The following DIAPH3 variants were observed in gnomAD, a reference collection of about 807,000 sequenced individuals.
DIAPH3 encodes the protein diaphanous related formin 3, also known as protein diaphanous homolog 3.
A neutral mutation model predicts 144.3 loss-of-function variants in DIAPH3; 117 were observed. The observed-to-expected ratio is 0.81, with a 90% CI of 0.70 to 0.95. The LOEUF is 0.95. Among genes scored for constraint, DIAPH3 ranks in the 40% least tolerant of loss-of-function variants. DIAPH3 has a pLI of 0.00. For missense variants in DIAPH3, 1,421 were observed against 1,412.7 expected, an observed-to-expected ratio of 1.01 and a Z score of -0.09; for synonymous variants, 519 against 488.9, an observed-to-expected ratio of 1.06 and a Z score of -0.81.
chr13:59,877,645 T>C (rs1361352544), intron 21 of DIAPH3, among the ~76,000 whole-genome samples: 4 of 152,160 alleles, frequency 2.6e-5, no homozygotes, highest in Non-Finnish European at 5.9e-5. Context: ...GATAGACATA[T>C]CTTGCTACGA....
At chr13:60,033,531 T>C (rs1017306277) in intron 5 of DIAPH3, among the ~76,000 whole-genome samples, 13 of 152,122 alleles carry the variant, frequency 8.5e-5, no homozygotes, top group African/African-American at 2.9e-4. Context: ...AACAGGCACA[T>C]CACATGGTGA....
rs150664724 is a variant in DIAPH3 at position 59,938,183 on chromosome 13, A to C, written c.2075-13313T>G. ...TTGCCTGATCTGTGTTCTAGAATAAACTATTCTGTGCTAGTTTCTGTCCCC... is the reference window on the plus strand; with the variant it reads ...TTGCCTGATCTGTGTTCTAGAATAACCTATTCTGTGCTAGTTTCTGTCCCC... On this transcript the variant is annotated intron_variant, in intron 17 of 27. Transcript: ENST00000400324. Among the ~76,000 whole-genome samples, 3 of 152,262 alleles carry C rather than the reference A, an allele frequency of 2.0e-5. No individual in the cohort carries two copies. In the East Asian group the frequency reaches 5.8e-4, roughly 29 times the overall value.
intron 21 of DIAPH3, among the ~76,000 whole-genome samples, chr13:59,877,641 CAT>C (rs1158668471): frequency 6.6e-6 from 1 of 152,128 alleles, no homozygotes; most frequent in East Asian, 1.9e-4. Context: ...TGCTGATAGA[CAT>C]ATCTTGCTAC....
At chr13:60,076,097 C>T (rs935088358) in intron 4 of DIAPH3, among the ~76,000 whole-genome samples, 3 of 152,208 alleles carry the variant, frequency 2.0e-5, no homozygotes, top group Non-Finnish European at 4.4e-5. Context: ...CAGCTTGTTC[C>T]AACCATAAGT....
chr13:60,066,897 A>G (rs1307085717), intron 4 of DIAPH3, among the ~76,000 whole-genome samples: 1 of 152,246 alleles, frequency 6.6e-6, no homozygotes, highest in Non-Finnish European at 1.5e-5. Flanking sequence ...AAAATGTATC[A>G]AAGTGACACT....
At chr13:60,063,196 G>A (rs1336883149) in intron 4 of DIAPH3, among the ~76,000 whole-genome samples, 2 of 152,170 alleles carry the variant, frequency 1.3e-5, no homozygotes, top group African/African-American at 4.8e-5. Flanking sequence ...ACCAGAAGTA[G>A]TTTCCGTTTC....
intron 4 of DIAPH3, among the ~76,000 whole-genome samples, chr13:60,087,332 C>T (rs1053241453): frequency 1.3e-5 from 2 of 152,132 alleles, no homozygotes; most frequent in African/African-American, 4.8e-5. Flanking sequence ...ACAATGTCTT[C>T]CATCCTTGAG....
At chr13:59,854,536 C>T (rs1420051781) in intron 22 of DIAPH3, among the ~76,000 whole-genome samples, 1 of 152,132 alleles carries the variant, frequency 6.6e-6, no homozygotes, top group African/African-American at 2.4e-5. Flanking sequence ...AATGTGTTTG[C>T]TCTATCTACT....
At chr13:59,713,657 GC>G (rs1249921806) in intron 27 of DIAPH3, among the ~76,000 whole-genome samples, 1 of 151,022 alleles carries the variant, frequency 6.6e-6, no homozygotes, top group African/African-American at 2.4e-5. Context: ...TAGGTAAGAA[GC>G]TTTTTTGATG....
At chr13:60,137,438 A>G (rs2059313542) in intron 1 of DIAPH3, among the ~76,000 whole-genome samples, 3 of 152,230 alleles carry the variant, frequency 2.0e-5, no homozygotes, top group South Asian at 2.1e-4. Flanking sequence ...ACAAGTAACA[A>G]AGACAGATAA....
intron 21 of DIAPH3, among the ~76,000 whole-genome samples, chr13:59,878,020 A>C (rs1289671045): frequency 6.6e-6 from 1 of 152,126 alleles, no homozygotes; most frequent in Non-Finnish European, 1.5e-5. Context: ...ATGTGGCTTC[A>C]TTAAAGCATT....
At chr13:59,835,735 A>G (rs1338461084) in intron 23 of DIAPH3, among the ~76,000 whole-genome samples, 1 of 151,752 alleles carries the variant, frequency 6.6e-6, no homozygotes, top group Non-Finnish European at 1.5e-5. Flanking sequence ...CACTCTTACA[A>G]CTGGGCCGTG....
At chr13:60,075,423 G>C (rs2057348344) in intron 4 of DIAPH3, among the ~76,000 whole-genome samples, 1 of 152,032 alleles carries the variant, frequency 6.6e-6, no homozygotes, top group South Asian at 2.1e-4. Context: ...GTTTTTAGTT[G>C]TATTAGCAAA....
At chr13:59,872,123 G>A (rs1251626979) in intron 21 of DIAPH3, among the ~76,000 whole-genome samples, 1 of 151,992 alleles carries the variant, frequency 6.6e-6, no homozygotes, top group Admixed American at 6.6e-5. Flanking sequence ...CTACTCCAGA[G>A]TCCATTTGCT....
At chr13:59,786,435 C>A (rs1454442242) in intron 25 of DIAPH3, among the ~76,000 whole-genome samples, 1 of 152,014 alleles carries the variant, frequency 6.6e-6, no homozygotes, top group Non-Finnish European at 1.5e-5. Context: ...TATACTATAA[C>A]AAATTGTATC....
At chr13:60,142,980 T>C (rs1233489085) in intron 1 of DIAPH3, among the ~76,000 whole-genome samples, 1 of 151,918 alleles carries the variant, frequency 6.6e-6, no homozygotes, top group African/African-American at 2.4e-5. Context: ...CTTAAACTCC[T>C]AGCCTCAAGT....
intron 25 of DIAPH3, among the ~76,000 whole-genome samples, chr13:59,782,434 T>A (rs1195718412): frequency 6.6e-6 from 1 of 152,082 alleles, no homozygotes; most frequent in Non-Finnish European, 1.5e-5. Context: ...ATCTAAGAAT[T>A]AAAAGTGATT....
chr13:59,810,251 C>T lies in DIAPH3; in HGVS notation c.3163+537G>A, dbSNP rs533834269. On this transcript the variant is annotated intron_variant, in intron 25 of 27. Coordinates refer to ENST00000400324, the MANE Select transcript of DIAPH3 (RefSeq NM_001042517.2). ...CAAGGCATACTGCAGCCTCAACCTT[C>T]CAGGCTCAGGCGATCCTCCCACCTC... Among the ~76,000 whole-genome samples the T allele has an allele frequency of 7.2e-5, 11 of 152,252 alleles. No homozygotes were observed. The South Asian group carries it at 2.3e-3, about 32-fold the overall frequency.
intron 25 of DIAPH3, among the ~76,000 whole-genome samples, chr13:59,801,608 T>G (rs1391203975): frequency 6.6e-6 from 1 of 152,224 alleles, no homozygotes; most frequent in Non-Finnish European, 1.5e-5. Context: ...CAAGAATTGC[T>G]TGCTCTAAAG....
Sources: allele counts gnomAD v4.1 joint callset (sites outside exome capture counted in the v4.1 genomes callset), GRCh38; gene constraint gnomAD v4.1.1; transcripts MANE v1.5; gene names NCBI Gene and HGNC (gene_info 2026-07-23, HGNC 2026-07-21).